Variants in NYAP2 observed in about 807,000 individuals in gnomAD.
NYAP2 encodes the protein neuronal tyrosine-phosphorylated phosphoinositide-3-kinase adaptor 2, also known as neuronal tyrosine-phosphorylated phosphoinositide-3-kinase adapter 2.
A neutral mutation model predicts 50.4 loss-of-function variants in NYAP2; 23 were observed. The ratio of observed to expected loss-of-function variants is 0.46; its 90% confidence interval spans 0.33 to 0.65. NYAP2 has a LOEUF of 0.65. Ranked by LOEUF, NYAP2 falls within the 30% of genes least tolerant of loss-of-function variation. The pLI, the probability that NYAP2 is intolerant of heterozygous loss-of-function variation, is 0.02. For synonymous variants in NYAP2, 394 were observed against 365.2 expected (o/e 1.08, Z -0.90); for missense variants, 885 against 861.0 (o/e 1.03, Z -0.35).
chr2:225,516,864 T>C (rs536801228), intron 4 of NYAP2, among the ~76,000 whole-genome samples: 1 of 152,294 alleles, frequency 6.6e-6, no homozygotes, highest in South Asian at 2.1e-4. Context: ...AAAAATAACT[T>C]TTATAAATCT....
At chr2:225,656,483 G>C (rs560670995), downstream of NYAP2, among the ~76,000 whole-genome samples, 18 of 152,252 alleles carry the variant, frequency 1.2e-4, no homozygotes, top group African/African-American at 3.9e-4. Flanking sequence ...GACCTTGCAG[G>C]AGAATGAGAG....
chr2:225,561,542 T>C (rs1691873305), intron 4 of NYAP2, among the ~76,000 whole-genome samples: 2 of 152,076 alleles, frequency 1.3e-5, no homozygotes, highest in Admixed American at 1.3e-4. Context: ...CCTGCTGTAC[T>C]CCAGGCCCTT....
At chr2:225,435,006 C>G (rs984668760) in intron 3 of NYAP2, among the ~76,000 whole-genome samples, 1 of 152,154 alleles carries the variant, frequency 6.6e-6, no homozygotes, top group East Asian at 1.9e-4. Flanking sequence ...CCTAGCCAAG[C>G]CTGAAAAGTG....
chr2:225,644,872 G>C (rs1191156086), intron 6 of NYAP2, among the ~76,000 whole-genome samples: 6 of 152,226 alleles, frequency 3.9e-5, no homozygotes, highest in African/African-American at 1.4e-4. Flanking sequence ...AAGTCAGGTA[G>C]TGTGATGCCT....
Position 225,513,685 on chromosome 2 carries a change from A to G in NYAP2, c.523+13A>G. The G allele has an allele frequency of 6.7e-7, 1 of 1,490,052 alleles. No homozygotes were observed. The highest frequency in any genetic ancestry group is 8.9e-7 in the Non-Finnish European group (1 of 1,120,084). 92.3% of individuals were successfully genotyped at this position (1,490,052 alleles called of 1,614,324 possible). On this transcript the variant is annotated intron_variant, in intron 4 of 6. Coordinates refer to ENST00000636099, the Ensembl canonical transcript of NYAP2. ...GAGAGGACTGAAGGTAAAACACGCC[A>G]TGTCCATGTCACCTAGAAATCTCTT...
chr2:225,696,132 G>T, the NYAP2 span, among the ~76,000 whole-genome samples: 145 of 151,988 alleles, frequency 9.5e-4, no homozygotes, highest in Middle Eastern at 3.4e-3. Flanking sequence ...TCAGGTAATG[G>T]AGCATAATAT....
At chr2:225,630,152 G>C (rs1693282198) in intron 6 of NYAP2, among the ~76,000 whole-genome samples, 1 of 152,174 alleles carries the variant, frequency 6.6e-6, no homozygotes, top group Non-Finnish European at 1.5e-5. Context: ...AAGGATGAGG[G>C]AAGATTGAAG....
the NYAP2 span, among the ~76,000 whole-genome samples, chr2:225,681,641 C>T: frequency 6.6e-6 from 1 of 152,158 alleles, no homozygotes; most frequent in Non-Finnish European, 1.5e-5. Context: ...TGGTCACATG[C>T]TATTTTCCAG....
chr2:225,512,690 G>A (rs539719259), intron 3 of NYAP2, among the ~76,000 whole-genome samples: 2 of 136,024 alleles, frequency 1.5e-5, no homozygotes, highest in African/African-American at 5.5e-5. Context: ...TGCTTTGCTT[G>A]TCTTGCTTTG....
chr2:225,592,875 TA>T (rs1368960427), intron 5 of NYAP2, among the ~76,000 whole-genome samples: 1 of 152,170 alleles, frequency 6.6e-6, no homozygotes, highest in Non-Finnish European at 1.5e-5. Context: ...TTCTCTCCAT[TA>T]AGAAGAACCC....
intron 5 of NYAP2, among the ~76,000 whole-genome samples, chr2:225,592,758 C>T (rs537177993): frequency 1.7e-4 from 26 of 152,034 alleles, no homozygotes; most frequent in Admixed American, 4.6e-4. Context: ...GGGGGTAGAC[C>T]GCAGCTGTCC....
At chr2:225,672,621 G>A in the NYAP2 span, among the ~76,000 whole-genome samples, 1 of 152,082 alleles carries the variant, frequency 6.6e-6, no homozygotes, top group South Asian at 2.1e-4. Context: ...CAAGAAACGT[G>A]GCATTTGGCC....
At chr2:225,673,014 A>G in the NYAP2 span, among the ~76,000 whole-genome samples, 346 of 145,280 alleles carry the variant, frequency 2.4e-3, 2 homozygotes, top group Non-Finnish European at 4.2e-3. Flanking sequence ...GAGACTGGGG[A>G]AAAAAAAAAA....
chr2:225,512,826 TCTCTCTCTC>T (rs1559200496), intron 3 of NYAP2, among the ~76,000 whole-genome samples: 51 of 53,704 alleles, frequency 9.5e-4, no homozygotes, highest in Middle Eastern at 0.022. Flanking sequence ...TCTTTCTCTC[TCTCTCTCTC>T]TCTTTCTTTC....
chr2:225,406,633 T>C (rs1208803144), intron 2 of NYAP2, among the ~76,000 whole-genome samples: 2 of 151,976 alleles, frequency 1.3e-5, no homozygotes, highest in East Asian at 3.9e-4. Context: ...TGTACAAACA[T>C]TTATTCAATT....
intron 6 of NYAP2, among the ~76,000 whole-genome samples, chr2:225,645,517 C>A (rs1211588954): frequency 1.3e-5 from 2 of 151,400 alleles, no homozygotes; most frequent in Non-Finnish European, 2.9e-5. Context: ...CTGAATCAAC[C>A]TCTTTCTCAT....
intron 4 of NYAP2, among the ~76,000 whole-genome samples, chr2:225,550,177 G>A (rs1479995027): frequency 1.3e-5 from 2 of 152,088 alleles, no homozygotes; most frequent in African/African-American, 2.4e-5. Context: ...AAGATATGGC[G>A]ACCAGAAAAC....
At chr2:225,440,749 G>A (rs1433728600) in intron 3 of NYAP2, among the ~76,000 whole-genome samples, 1 of 152,216 alleles carries the variant, frequency 6.6e-6, no homozygotes, top group Non-Finnish European at 1.5e-5. Context: ...GAGCTGTGAA[G>A]CATGCTGGAT....
intron 3 of NYAP2, among the ~76,000 whole-genome samples, chr2:225,487,976 G>T (rs1690334519): frequency 6.6e-6 from 1 of 152,146 alleles, no homozygotes; most frequent in South Asian, 2.1e-4. Flanking sequence ...CAAAGTGCTT[G>T]GTGTAAGAGG....
Sources: allele counts gnomAD v4.1 joint callset (sites outside exome capture counted in the v4.1 genomes callset), GRCh38; gene constraint gnomAD v4.1.1; transcripts MANE v1.5; gene names NCBI Gene and HGNC (gene_info 2026-07-23, HGNC 2026-07-21).